The following SOX6 variants were observed in gnomAD, a reference collection of about 807,000 sequenced individuals.
SOX6 encodes SRY-box transcription factor 6, also known as transcription factor SOX-6.
SOX6 carries 11 observed loss-of-function variants against 97.8 expected under a neutral mutation model. The ratio of observed to expected loss-of-function variants is 0.11; its 90% CI spans 0.07 to 0.19. The LOEUF (loss-of-function observed/expected upper bound fraction) is 0.19. SOX6 is among the 10% of genes least tolerant of loss of function. SOX6 has a pLI of 1.00. For missense variants in SOX6, 810 were observed against 1,039.5 expected (o/e 0.78, Z 3.04); for synonymous variants, 360 against 371.4 (o/e 0.97, Z 0.35).
intron 3 of SOX6, among the ~76,000 whole-genome samples, chr11:16,636,383 C>G (rs531067988): frequency 2.6e-5 from 4 of 152,156 alleles, no homozygotes; most frequent in Non-Finnish European, 5.9e-5. Context: ...TCAATTTCTC[C>G]CATTAGGAAT....
At chr11:16,364,714 G>C (rs539952137) in intron 1 of SOX6, among the ~76,000 whole-genome samples, 1 of 152,262 alleles carries the variant, frequency 6.6e-6, no homozygotes, top group South Asian at 2.1e-4. Context: ...TTAATTGCTA[G>C]TATTATCACT....
At position 16,561,161 on chromosome 11, in the gene SOX6, G is replaced by A. The variant is rs1273671681; in HGVS notation, n.609+50920C>T. On this transcript the variant is annotated intron_variant and non_coding_transcript_variant, in intron 4 of 5. Transcript: ENST00000524520. ...GAAGAAAGAACGGCAGAAATAAAGG[G>A]GAGGAATAAGAAAGGGAATAAGACA... 3.9e-5 allele frequency among the ~76,000 whole-genome samples: 6 copies of A among 152,058 alleles called. No homozygotes were observed. In the South Asian group the frequency reaches 1.0e-3, roughly 26 times the overall value.
chr11:16,474,139 C>T (rs1365448971), intron 1 of SOX6, among the ~76,000 whole-genome samples: 1 of 152,188 alleles, frequency 6.6e-6, no homozygotes, highest in African/African-American at 2.4e-5. Flanking sequence ...TTAGGCTCCA[C>T]TTCTACTTCT....
chr11:16,580,792 G>A (rs991763125), intron 4 of SOX6, among the ~76,000 whole-genome samples: 9 of 152,134 alleles, frequency 5.9e-5, no homozygotes, highest in African/African-American at 2.2e-4. Context: ...CAAAGGATAT[G>A]AACAGACACT....
chr11:16,680,747 T>C (rs988262900), intron 3 of SOX6, among the ~76,000 whole-genome samples: 1 of 151,844 alleles, frequency 6.6e-6, no homozygotes, highest in African/African-American at 2.4e-5. Context: ...AGGATCAAAA[T>C]AAAGGGATGG....
chr11:16,127,179 A>G (rs983119124), intron 6 of SOX6, among the ~76,000 whole-genome samples: 7 of 152,052 alleles, frequency 4.6e-5, no homozygotes, highest in African/African-American at 1.7e-4. Flanking sequence ...ACATAGAAAT[A>G]CCTAATTTTA....
chr11:16,208,719 T>C (rs868052177), intron 4 of SOX6, among the ~76,000 whole-genome samples: 8 of 152,324 alleles, frequency 5.3e-5, no homozygotes, highest in South Asian at 2.1e-4. Flanking sequence ...GTTTTTACAT[T>C]GCATTATGAA....
rs186402376 is a variant in SOX6 at position 16,637,927 on chromosome 11, T to A, written n.430-25667A>T. 7.5e-3 allele frequency among the ~76,000 whole-genome samples: 1,139 copies of A among 152,062 alleles called. 9 individuals are homozygous for A. Among genetic ancestry groups the A allele is most frequent in the African/African-American group, 0.026 (1,077 of 41,476 alleles). Reference sequence around the variant, plus strand: ...AGGGTCTCATTCTTTTTTTTTTTTTTTATACTTTAAGTTCTAGGGTACATG... The same window carrying A: ...AGGGTCTCATTCTTTTTTTTTTTTTATATACTTTAAGTTCTAGGGTACATG... On this transcript the variant is annotated intron_variant and non_coding_transcript_variant, in intron 3 of 5. Coordinates refer to the SOX6 transcript ENST00000524520.
rs904980619 is a variant in SOX6, at chr11:16,677,642, T to C, written n.429+37188A>G. On this transcript the variant is annotated intron_variant and non_coding_transcript_variant, in intron 3 of 5. Coordinates refer to the SOX6 transcript ENST00000524520. ...CTTTTCTAAATTTTTTAATTTGTTT[T>C]TGTAAGGAGTATTGATCTGTGAGTT... 5.3e-5 allele frequency among the ~76,000 whole-genome samples: 8 copies of C among 152,342 alleles called. No homozygotes were observed. In the South Asian group the frequency reaches 1.0e-3, roughly 20 times the overall value.
chr11:16,608,464 A>G (rs764926567), intron 4 of SOX6, among the ~76,000 whole-genome samples: 1 of 152,136 alleles, frequency 6.6e-6, no homozygotes, highest in Non-Finnish European at 1.5e-5. Context: ...GGATGAAGGA[A>G]AACGAAAAAA....
chr11:16,732,378 C>G (rs557897820), intron 2 of SOX6, among the ~76,000 whole-genome samples: 1 of 152,238 alleles, frequency 6.6e-6, no homozygotes, highest in South Asian at 2.1e-4. Flanking sequence ...GGTACTGGTA[C>G]CAAAACAGAC....
chr11:16,269,151 A>T (rs1554951368), intron 3 of SOX6, among the ~76,000 whole-genome samples: 1 of 150,730 alleles, frequency 6.6e-6, no homozygotes, highest in Non-Finnish European at 1.5e-5. Flanking sequence ...AATTTAATAT[A>T]TGGCTATACC....
chr11:16,483,265 C>T (rs915313805), intron 4 of SOX6, among the ~76,000 whole-genome samples: 1 of 152,150 alleles, frequency 6.6e-6, no homozygotes, highest in African/African-American at 2.4e-5. Flanking sequence ...ATTAGTTTCT[C>T]TTTCCTCCTT....
chr11:16,667,517 G>A (rs1342385791), intron 3 of SOX6, among the ~76,000 whole-genome samples: 1 of 150,438 alleles, frequency 6.6e-6, no homozygotes, highest in Non-Finnish European at 1.5e-5. Context: ...CCAGGAGAGA[G>A]TGGCATGAAT....
chr11:16,597,687 T>C (rs1047318510), intron 4 of SOX6, among the ~76,000 whole-genome samples: 2 of 151,972 alleles, frequency 1.3e-5, no homozygotes, highest in African/African-American at 4.8e-5. Flanking sequence ...TTGATATATA[T>C]AACCAAAGAT....
At chr11:16,386,302 A>T (rs955319559) in intron 1 of SOX6, among the ~76,000 whole-genome samples, 1 of 147,926 alleles carries the variant, frequency 6.8e-6, no homozygotes, top group Non-Finnish European at 1.5e-5. Context: ...CCTGATTCTA[A>T]GTTGAGAATA....
chr11:16,709,204 A>G (rs1848158861), intron 3 of SOX6, among the ~76,000 whole-genome samples: 1 of 152,080 alleles, frequency 6.6e-6, no homozygotes, highest in Non-Finnish European at 1.5e-5. Flanking sequence ...GAGTTCTCAT[A>G]AGAAATGGTT....
chr11:16,421,594 G>A lies in SOX6; in HGVS notation c.-5+54721C>T, dbSNP rs192049637. 1.1e-4 allele frequency among the ~76,000 whole-genome samples: 17 copies of A among 152,218 alleles called. No homozygotes were observed. The East Asian group carries it at 1.7e-3, about 16-fold the overall frequency. On this transcript the variant is annotated intron_variant, in intron 1 of 15. Transcript: ENST00000396356. Reference sequence around the variant, plus strand: ...CAATTAAACATCTTCAGAAATAGCCGTAGTAATGATGAAGAGAATTCAATG... The same window carrying A: ...CAATTAAACATCTTCAGAAATAGCCATAGTAATGATGAAGAGAATTCAATG...
intron 13 of SOX6, among the ~76,000 whole-genome samples, chr11:16,001,612 T>C (rs1243218108): frequency 2.6e-5 from 4 of 152,176 alleles, no homozygotes; most frequent in Non-Finnish European, 5.9e-5. Context: ...ATTTTCCCAC[T>C]TTAAGGATGC....
Sources: gnomAD v4.1 joint callset for allele counts (sites outside exome capture counted in the v4.1 genomes callset) on GRCh38, gnomAD v4.1.1 for gene constraint, MANE v1.5 for transcripts, NCBI Gene and HGNC (gene_info 2026-07-23, HGNC 2026-07-21) for gene names.